The following CPD variants were observed in gnomAD, a reference collection of about 807,000 sequenced individuals.
CPD encodes metallocarboxypeptidase D.
In CPD, 69 loss-of-function variants were observed where a neutral mutation model predicts 138.3. The observed-to-expected ratio is 0.50, with a 90% CI of 0.41 to 0.61. The LOEUF is 0.61. CPD is among the 20% of genes least tolerant of loss of function. The probability of loss-of-function intolerance (pLI) is 0.00; values close to 1 mark genes in which losing one functional copy is unlikely to be tolerated. For missense variants in CPD, 1,432 were observed against 1,733.3 expected, an observed-to-expected ratio of 0.83 and a Z score of 3.09; for synonymous variants, 651 against 642.1, an observed-to-expected ratio of 1.01 and a Z score of -0.21.
chr17:30,453,230 T>C (rs1230153528), intron 14 of CPD, among the ~76,000 whole-genome samples: 6 of 152,192 alleles, frequency 3.9e-5, no homozygotes, highest in African/African-American at 9.7e-5. Context: ...GACAGGTCCC[T>C]TCTGCCTCTG....
At chr17:30,410,457 T>A (rs1049669286) in intron 2 of CPD, among the ~76,000 whole-genome samples, 1 of 152,132 alleles carries the variant, frequency 6.6e-6, no homozygotes, top group Non-Finnish European at 1.5e-5. Flanking sequence ...GATAGTGGGG[T>A]GTTAAAGTCT....
intron 2 of CPD, among the ~76,000 whole-genome samples, chr17:30,407,666 T>A (rs545217788): frequency 1.3e-5 from 2 of 152,326 alleles, no homozygotes; most frequent in East Asian, 3.9e-4. Flanking sequence ...TGGGGTTGTT[T>A]GTTTTTTTCT....
At chr17:30,436,852 A>G (rs1912717444) in intron 8 of CPD, among the ~76,000 whole-genome samples, 1 of 152,250 alleles carries the variant, frequency 6.6e-6, no homozygotes, top group South Asian at 2.1e-4. Context: ...ATAGCCCCAA[A>G]TGGAAGCAAC....
chr17:30,386,851 C>A (rs1447407493), intron 2 of CPD, among the ~76,000 whole-genome samples: 1 of 152,066 alleles, frequency 6.6e-6, no homozygotes, highest in Non-Finnish European at 1.5e-5. Flanking sequence ...TTTTGTTTAT[C>A]CATCTATTGA....
Position 30,442,301 on chromosome 17 carries a change from C to A in CPD, c.2231-7C>A. 1 of 1,609,392 alleles carries A rather than the reference C, an allele frequency of 6.2e-7. No homozygotes were observed. The highest frequency in any genetic ancestry group is 2.2e-5 in the East Asian group (1 of 44,748). The stretch of plus-strand genomic sequence containing the variant: ...CAGAGTGACTAATTTTAATTTTTAT[C>A]TTTTAGGAGGAATGCAGGACTGGAA... On this transcript the variant is annotated splice_region_variant and splice_polypyrimidine_tract_variant and intron_variant, in intron 9 of 20. Transcript: ENST00000225719.
At chr17:30,456,719 G>A (rs57958182) in intron 17 of CPD, 193 bp downstream of exon 17, 34 of 488,488 alleles carry the variant, frequency 7.0e-5, no homozygotes, top group South Asian at 3.6e-4. Flanking sequence ...GCAGACGCCC[G>A]TAATCCCAGC....
At position 30,379,044 on chromosome 17, in the gene CPD, C is replaced by T; in HGVS notation, c.64C>T (p.Leu22=). ...RLGRLLLLMC[L]LLLGSSARAA... is the part of the protein sequence containing the mutation. ...AGGGCGGCTCCTGTTGCTCATGTGC[C>T]TGCTGCTGCTGGGGAGCTCGGCCCG... Residue 22 remains leucine (L), a synonymous_variant, in exon 1 of 21, where the codon CTG becomes TTG. Coordinates refer to ENST00000225719, the MANE Select transcript of CPD (RefSeq NM_001304.5). The surrounding 1 kb of genome is among the most constrained non-coding windows in gnomAD (Gnocchi z 7.0). The T allele has an allele frequency of 6.4e-7, 1 of 1,559,108 alleles. No homozygotes were observed. Among genetic ancestry groups the T allele is most frequent in the Non-Finnish European group, 8.6e-7 (1 of 1,160,164 alleles).
chr17:30,437,485 G>C (rs1912732945), intron 8 of CPD, among the ~76,000 whole-genome samples: 1 of 152,028 alleles, frequency 6.6e-6, no homozygotes, highest in Admixed American at 6.5e-5. Context: ...AGGAGTTCGA[G>C]ACCAGCCTGG....
chr17:30,460,200 C>T (rs1040632696), intron 17 of CPD, among the ~76,000 whole-genome samples: 3 of 152,158 alleles, frequency 2.0e-5, no homozygotes, highest in Admixed American at 1.3e-4. Context: ...GGAAGCAGTA[C>T]ATAGCAGAAG....
At chr17:30,433,591 G>A (rs2143444641) in intron 8 of CPD, among the ~76,000 whole-genome samples, 1 of 152,258 alleles carries the variant, frequency 6.6e-6, no homozygotes, top group East Asian at 1.9e-4. Context: ...GCCTAGAGTG[G>A]TCACACTGTC....
chr17:30,439,389 A>T (rs1912790212), intron 9 of CPD, among the ~76,000 whole-genome samples: 9 of 105,728 alleles, frequency 8.5e-5, no homozygotes, highest in East Asian at 4.0e-4. Context: ...TTACAACGTT[A>T]CTTTCTTTTT....
intron 6 of CPD, among the ~76,000 whole-genome samples, chr17:30,424,499 C>A (rs986472033): frequency 3.9e-5 from 6 of 152,132 alleles, no homozygotes; most frequent in African/African-American, 1.4e-4. Flanking sequence ...TTGAGATAGG[C>A]CCTGCCTATT....
At position 30,420,907 on chromosome 17, in the gene CPD, G is replaced by A; in HGVS notation, c.1061G>A (p.Cys354Tyr). 1 of 1,613,710 alleles carries A rather than the reference G, an allele frequency of 6.2e-7. No homozygotes were observed. Among genetic ancestry groups the A allele is most frequent in the Non-Finnish European group, 8.5e-7 (1 of 1,179,704 alleles). Residue 354 changes from cysteine to tyrosine, a missense_variant, in exon 3 of 21, where the codon TGC becomes TAC. Cys to Tyr is a radical substitution (Grantham distance 194). This residue lies in a region of CPD where 160 missense variants were observed against 197.9 expected (regional missense o/e 0.81). Coordinates refer to ENST00000225719, the MANE Select transcript of CPD (RefSeq NM_001304.5). The stretch of plus-strand genomic sequence containing the variant: ...GAGATCACATTAGAACTGTCTTGTT[G>A]CAAGTACCCACCTGCTTCACAGCTT... The part of the protein sequence containing the change: ...CFEITLELSC[C>Y]KYPPASQLRQ...
chr17:30,431,886 G>A lies in CPD; in HGVS notation c.2127+5G>A. The A allele has an allele frequency of 6.5e-7, 1 of 1,538,600 alleles. No individual in the cohort carries two copies. The highest frequency in any genetic ancestry group is 8.9e-7 in the Non-Finnish European group (1 of 1,120,808). ...ATAGCACTTTCTTATTCCAAGGTAG[G>A]CTTGTCTTTGAATATAAAATGTTAC... On this transcript the variant is annotated splice_donor_5th_base_variant and intron_variant, in intron 8 of 20. Coordinates refer to ENST00000225719, the MANE Select transcript of CPD (RefSeq NM_001304.5).
intron 2 of CPD, among the ~76,000 whole-genome samples, chr17:30,387,177 G>C (rs1266243069): frequency 6.6e-6 from 1 of 152,156 alleles, no homozygotes; most frequent in African/African-American, 2.4e-5. Context: ...GAGTATAGTG[G>C]CATGATCTTG....
intron 8 of CPD, among the ~76,000 whole-genome samples, chr17:30,435,293 C>T (rs1912670068): frequency 6.6e-6 from 1 of 151,690 alleles, no homozygotes; most frequent in Non-Finnish European, 1.5e-5. Flanking sequence ...GTGGTACTGG[C>T]ATAAAGACAG....
chr17:30,403,036 G>C (rs1415046179), intron 2 of CPD, among the ~76,000 whole-genome samples: 1 of 152,176 alleles, frequency 6.6e-6, no homozygotes, highest in South Asian at 2.1e-4. Context: ...AACCTGGGAG[G>C]TGGAGGTTGC....
At chr17:30,428,568 A>G (rs1912482994) in intron 7 of CPD, among the ~76,000 whole-genome samples, 2 of 152,230 alleles carry the variant, frequency 1.3e-5, no homozygotes, top group Non-Finnish European at 2.9e-5. Context: ...ACACTAAGTG[A>G]CAAAAGCCAG....
chr17:30,435,142 T>C (rs2143448414), intron 8 of CPD, among the ~76,000 whole-genome samples: 1 of 151,794 alleles, frequency 6.6e-6, no homozygotes, highest in South Asian at 2.1e-4. Flanking sequence ...CAGGGATAAA[T>C]AAAATAAAGT....
Sources: gnomAD v4.1 joint callset for allele counts (sites outside exome capture counted in the v4.1 genomes callset) on GRCh38, gnomAD v4.1.1 for gene constraint, gnomAD v4.1.1 regional missense constraint, Gnocchi (gnomAD v3.1) non-coding constraint, MANE v1.5 for transcripts, NCBI Gene and HGNC (gene_info 2026-07-23, HGNC 2026-07-21) for gene names.